AFF1: variants seen among roughly 807,000 people sequenced by gnomAD.
AFF1 encodes the protein AF4/FMR2 family member 1.
AFF1 carries 48 observed loss-of-function variants against 121.7 expected under a neutral mutation model. The ratio of observed to expected loss-of-function variants is 0.39; its 90% CI spans 0.31 to 0.50. AFF1 has a LOEUF of 0.50. Among genes scored for constraint, AFF1 ranks in the 20% least tolerant of loss-of-function variants. AFF1 has a pLI of 0.76. For missense variants in AFF1, 1,523 were observed against 1,511.7 expected, an observed-to-expected ratio of 1.01 and a Z score of -0.12; for synonymous variants, 613 against 563.0, an observed-to-expected ratio of 1.09 and a Z score of -1.26.
Position 87,031,117 on chromosome 4 carries a change from A to T in AFF1, c.39-15049A>T, listed in dbSNP as rs568347273. ...AAAGATAATTGAGGCACTCCAGACC[A>T]GTGGAGTGGGTGGCTGCAAGACGTT... On this transcript the variant is annotated intron_variant, in intron 2 of 20. Transcript: ENST00000395146. Among the ~76,000 whole-genome samples, 16 of 152,288 alleles carry T rather than the reference A, an allele frequency of 1.1e-4. No homozygotes were observed. In the East Asian group the frequency reaches 2.9e-3, roughly 28 times the overall value.
intron 2 of AFF1, among the ~76,000 whole-genome samples, chr4:87,035,433 C>T (rs547503594): frequency 5.7e-4 from 87 of 152,132 alleles, no homozygotes; most frequent in Non-Finnish European, 1.2e-3. Flanking sequence ...TGGTGGCGGG[C>T]GCCTGTAGTC....
intron 1 of AFF1, among the ~76,000 whole-genome samples, chr4:86,944,569 T>C (rs536299688): frequency 4.9e-4 from 75 of 152,218 alleles, no homozygotes; most frequent in Middle Eastern, 3.4e-3. Flanking sequence ...TCGTCTTGAT[T>C]TCCTGACCTC....
intron 1 of AFF1, among the ~76,000 whole-genome samples, chr4:86,942,071 A>G (rs574089319): frequency 6.6e-6 from 1 of 152,240 alleles, no homozygotes; most frequent in East Asian, 1.9e-4. Context: ...GTGCTACATA[A>G]ATGTTTGCTA....
intron 2 of AFF1, among the ~76,000 whole-genome samples, chr4:87,010,674 T>TA (rs1299349370): frequency 6.6e-6 from 1 of 152,190 alleles, no homozygotes; most frequent in African/African-American, 2.4e-5. Context: ...ATGGATACAG[T>TA]AAAAAGGAGG....
Position 87,088,168 on chromosome 4 carries a change from A to G in AFF1, c.1105-1816A>G, listed in dbSNP as rs1723923874. Among the ~76,000 whole-genome samples, 3 of 49,546 alleles carry G rather than the reference A, an allele frequency of 6.1e-5. No homozygotes were observed. In the South Asian group the frequency reaches 1.3e-3, roughly 22 times the overall value. 32.5% of individuals were successfully genotyped at this position (49,546 alleles called of 152,430 possible). On this transcript the variant is annotated intron_variant, in intron 5 of 20. Transcript: ENST00000395146. Reference sequence around the variant, plus strand: ...GACATGGCTGGTAAGGATTGGAGTTAGGATTCAATCTGGGTCTTTGGCTAT... The same window carrying G: ...GACATGGCTGGTAAGGATTGGAGTTGGGATTCAATCTGGGTCTTTGGCTAT...
intron 2 of AFF1, 98 bp downstream of exon 2, chr4:86,948,669 A>C: frequency 8.4e-7 from 1 of 1,185,556 alleles, no homozygotes; most frequent in Non-Finnish European, 1.2e-6. Context: ...TTGCAACTTA[A>C]GAACTCACGG....
At chr4:86,986,522 C>A (rs1430471012) in intron 2 of AFF1, among the ~76,000 whole-genome samples, 4 of 151,984 alleles carry the variant, frequency 2.6e-5, no homozygotes, top group Non-Finnish European at 5.9e-5. Flanking sequence ...ATAGAACATA[C>A]ATTCAACTGA....
intron 4 of AFF1, among the ~76,000 whole-genome samples, chr4:87,061,763 C>A (rs1720811637): frequency 6.6e-6 from 1 of 152,126 alleles, no homozygotes; most frequent in Admixed American, 6.5e-5. Flanking sequence ...GATTATTCCT[C>A]ACTTTGAGCA....
chr4:86,945,319 CTTTTTTTTTTTTT>C (rs72025655), intron 1 of AFF1, among the ~76,000 whole-genome samples: 24 of 111,626 alleles, frequency 2.2e-4, no homozygotes, highest in East Asian at 5.2e-4. Flanking sequence ...TTTTCTTTTC[CTTTTTTTTTTTTT>C]TTTTTTTTTT....
At chr4:86,950,125 A>T in intron 2 of AFF1, 2 of 1,604,494 alleles carry the variant, frequency 1.2e-6, no homozygotes, top group Admixed American at 3.3e-5. Context: ...CAGGGCAGGG[A>T]TGGGACTTGG....
intron 2 of AFF1, among the ~76,000 whole-genome samples, chr4:87,036,620 A>G (rs1386470966): frequency 6.6e-6 from 1 of 152,138 alleles, no homozygotes; most frequent in Non-Finnish European, 1.5e-5. Flanking sequence ...TACTCCCTTA[A>G]AAACCAATTG....
intron 2 of AFF1, among the ~76,000 whole-genome samples, chr4:87,032,293 A>G (rs540000171): frequency 6.6e-6 from 1 of 152,330 alleles, no homozygotes; most frequent in African/African-American, 2.4e-5. Context: ...TCCTATAATA[A>G]TCTCCCTGTT....
chr4:87,137,718 C>T lies in AFF1; in HGVS notation c.*2017C>T. 4.3e-6 allele frequency: 1 copy of T among 232,634 alleles called. No individual in the cohort carries two copies. Among genetic ancestry groups the T allele is most frequent in the East Asian group, 6.1e-5 (1 of 16,506 alleles). The allele number at this position is 232,634 out of a possible 1,614,324, so 14.4% of individuals were successfully genotyped here. A position where few individuals can be genotyped will look rare whatever the true frequency, so the allele number is the denominator to read the frequency against. ...TGTGTGTGTAGCATTGTGTGTCCAT[C>T]TGTTATATGTAAAGGACAAGGCACC... is the stretch of plus-strand genomic sequence containing the variant. On this transcript the variant is annotated 3_prime_UTR_variant, in exon 21 of 21. Transcript: ENST00000395146.
intron 12 of AFF1, among the ~76,000 whole-genome samples, chr4:87,120,994 C>T (rs1306069586): frequency 2.1e-5 from 3 of 140,208 alleles, no homozygotes; most frequent in African/African-American, 2.8e-5. Flanking sequence ...CACTCTTGCC[C>T]TGTGCTCCAC....
chr4:87,016,848 A>G lies in AFF1; in HGVS notation c.39-29318A>G, dbSNP rs531206962. On this transcript the variant is annotated intron_variant, in intron 2 of 20. Coordinates refer to ENST00000395146, the MANE Select transcript of AFF1 (RefSeq NM_001166693.3). ...CTTGCATCTGACTCTCTTTACTTGC[A>G]TATGTATATATATTTTAAATTTACC... Among the ~76,000 whole-genome samples the G allele has an allele frequency of 4.6e-5, 7 of 152,266 alleles. No homozygotes were observed. The South Asian group carries it at 1.0e-3, about 23-fold the overall frequency.
rs1169139244 is a variant in AFF1 at position 86,984,037 on chromosome 4, A to G, written c.38+35466A>G. On this transcript the variant is annotated intron_variant, in intron 2 of 20. Coordinates refer to ENST00000395146, the MANE Select transcript of AFF1 (RefSeq NM_001166693.3). ...GGGTGACAGAGCGAGACTCCATCTC[A>G]AAAAAAAAGAAAAAGAAAAAAGAAA... Among the ~76,000 whole-genome samples, 4 of 151,518 alleles carry G rather than the reference A, an allele frequency of 2.6e-5. No individual in the cohort carries two copies. The South Asian group carries it at 6.3e-4, about 24-fold the overall frequency.
intron 2 of AFF1, among the ~76,000 whole-genome samples, chr4:87,040,055 T>C (rs1235647340): frequency 1.3e-5 from 2 of 151,616 alleles, no homozygotes; most frequent in East Asian, 3.9e-4. Flanking sequence ...CTACGCCCGG[T>C]TAATTTTTGT....
In AFF1 at chr4:87,042,771, C is replaced by A. The variant is rs184528439; in HGVS notation, c.39-3395C>A. Among the ~76,000 whole-genome samples the A allele has an allele frequency of 4.6e-5, 7 of 152,240 alleles. No individual in the cohort carries two copies. In the East Asian group the frequency reaches 5.8e-4, roughly 13 times the overall value. ...AGGATTTCCTCCCTGTGGGAGAATT[C>A]TTGATTTTAGAATCACATAGTAATA... On this transcript the variant is annotated intron_variant, in intron 2 of 20. Transcript: ENST00000395146.
At chr4:86,997,521 G>A (rs1238583174) in intron 2 of AFF1, among the ~76,000 whole-genome samples, 1 of 152,104 alleles carries the variant, frequency 6.6e-6, no homozygotes, top group Non-Finnish European at 1.5e-5. Context: ...CCAGCACTTT[G>A]GGAGGCCGAG....
Sources: gnomAD v4.1 joint callset for allele counts (sites outside exome capture counted in the v4.1 genomes callset) on GRCh38, gnomAD v4.1.1 for gene constraint, MANE v1.5 for transcripts, NCBI Gene and HGNC (gene_info 2026-07-23, HGNC 2026-07-21) for gene names.